The following CCSER1 variants were observed in gnomAD, a reference collection of about 807,000 sequenced individuals.
CCSER1 encodes coiled-coil serine rich protein 1.
CCSER1 carries 41 observed loss-of-function variants against 82.0 expected under a neutral mutation model. The ratio of observed to expected loss-of-function variants is 0.50; its 90% CI spans 0.39 to 0.65. The LOEUF (loss-of-function observed/expected upper bound fraction) is 0.65. CCSER1 is among the 30% of genes least tolerant of loss of function. The pLI is 0.00. For missense variants in CCSER1, 1,119 were observed against 1,064.2 expected, an observed-to-expected ratio of 1.05 and a Z score of -0.72; for synonymous variants, 414 against 383.9, an observed-to-expected ratio of 1.08 and a Z score of -0.92.
At chr4:91,265,064 A>C (rs1299118765) in intron 10 of CCSER1, among the ~76,000 whole-genome samples, 1 of 152,060 alleles carries the variant, frequency 6.6e-6, no homozygotes, top group African/African-American at 2.4e-5. Context: ...AGAAAGAAAT[A>C]TCTGAAGTAA....
At chr4:91,026,997 T>C (rs1740543188) in intron 9 of CCSER1, among the ~76,000 whole-genome samples, 1 of 151,992 alleles carries the variant, frequency 6.6e-6, no homozygotes, top group Non-Finnish European at 1.5e-5. Flanking sequence ...AAAACAAAAA[T>C]TTTTAAACAG....
intron 9 of CCSER1, among the ~76,000 whole-genome samples, chr4:91,020,824 CTCTGTTTTG>C (rs1739890290): frequency 6.6e-6 from 1 of 152,056 alleles, no homozygotes; most frequent in Non-Finnish European, 1.5e-5. Context: ...CTTCTGTTTT[CTCTGTTTTG>C]TCTTGTTTTT....
intron 7 of CCSER1, among the ~76,000 whole-genome samples, chr4:90,779,030 G>A (rs932653048): frequency 1.3e-5 from 2 of 151,762 alleles, no homozygotes; most frequent in African/African-American, 4.8e-5. Flanking sequence ...TTAACTACTC[G>A]TCTTATTTCC....
rs184352823 is a variant in CCSER1 at position 90,827,197 on chromosome 4, A to T, written c.2094+11352A>T. On this transcript the variant is annotated intron_variant, in intron 8 of 10. Coordinates refer to ENST00000509176, the MANE Select transcript of CCSER1 (RefSeq NM_001145065.2). ...TAGGCAGAGAAAATCTCAGAACCAGAGTGCTGCCTTCCTTTTATGGTTTCT... is the reference window on the plus strand; with the variant it reads ...TAGGCAGAGAAAATCTCAGAACCAGTGTGCTGCCTTCCTTTTATGGTTTCT... Among the ~76,000 whole-genome samples the T allele has an allele frequency of 3.5e-4, 53 of 152,322 alleles. No homozygotes were observed. The East Asian group carries it at 9.5e-3, about 27-fold the overall frequency.
intron 8 of CCSER1, among the ~76,000 whole-genome samples, chr4:90,816,628 T>C (rs1438793641): frequency 1.3e-5 from 2 of 152,212 alleles, no homozygotes; most frequent in East Asian, 3.9e-4. Flanking sequence ...CATTCATTTT[T>C]ACACTAATAA....
At chr4:90,864,784 C>T (rs556348512) in intron 8 of CCSER1, among the ~76,000 whole-genome samples, 2 of 152,040 alleles carry the variant, frequency 1.3e-5, no homozygotes, top group Non-Finnish European at 2.9e-5. Flanking sequence ...ATCTCTGGTC[C>T]AATAAATATT....
intron 1 of CCSER1, among the ~76,000 whole-genome samples, chr4:90,215,870 A>G (rs1325985465): frequency 6.6e-6 from 1 of 152,116 alleles, no homozygotes; most frequent in Non-Finnish European, 1.5e-5. Flanking sequence ...GAAGCAGGAG[A>G]GAAGGGCAGG....
chr4:91,326,879 A>G (rs1746602895), intron 10 of CCSER1, among the ~76,000 whole-genome samples: 1 of 152,154 alleles, frequency 6.6e-6, no homozygotes, highest in Admixed American at 6.6e-5. Context: ...TTAAATCTTA[A>G]AGCTTCAAAC....
chr4:90,143,311 C>T (rs11947970), intron 1 of CCSER1, among the ~76,000 whole-genome samples: 42,871 of 151,954 alleles, frequency 0.28, 7,650 homozygotes, highest in East Asian at 0.65. Context: ...CTATTTTAAA[C>T]TCTCACTACC....
intron 8 of CCSER1, among the ~76,000 whole-genome samples, chr4:90,892,387 C>A (rs909400180): frequency 6.6e-6 from 1 of 151,868 alleles, no homozygotes. Context: ...TGTAAACCAT[C>A]CAAAGAAGGA....
At chr4:90,834,594 A>G (rs977749196) in intron 8 of CCSER1, among the ~76,000 whole-genome samples, 7 of 152,196 alleles carry the variant, frequency 4.6e-5, no homozygotes, top group African/African-American at 1.7e-4. Context: ...GCTGTATTAA[A>G]TCTTATAGTA....
At chr4:91,326,203 T>C (rs1746547618) in intron 10 of CCSER1, among the ~76,000 whole-genome samples, 1 of 152,216 alleles carries the variant, frequency 6.6e-6, no homozygotes, top group African/African-American at 2.4e-5. Flanking sequence ...CTCACATTGC[T>C]ATAAAGAACT....
intron 10 of CCSER1, among the ~76,000 whole-genome samples, chr4:91,566,822 A>G (rs184936875): frequency 9.1e-4 from 138 of 152,014 alleles, no homozygotes; most frequent in Middle Eastern, 3.4e-3. Context: ...TATTTTATTA[A>G]CTTTTCAAAA....
At chr4:91,183,315 G>C (rs1481362471) in intron 10 of CCSER1, among the ~76,000 whole-genome samples, 1 of 152,186 alleles carries the variant, frequency 6.6e-6, no homozygotes, top group Non-Finnish European at 1.5e-5. Flanking sequence ...CTGAAGGATA[G>C]GACGTCTGGA....
chr4:90,512,057 A>C (rs1470846668), intron 5 of CCSER1, among the ~76,000 whole-genome samples: 1 of 152,180 alleles, frequency 6.6e-6, no homozygotes, highest in Non-Finnish European at 1.5e-5. Flanking sequence ...GTCCAGGACA[A>C]GGTCGGCAAA....
chr4:90,729,547 G>A (rs949034993), intron 7 of CCSER1, among the ~76,000 whole-genome samples: 17 of 152,042 alleles, frequency 1.1e-4, no homozygotes, highest in African/African-American at 3.6e-4. Context: ...ACACTACTTG[G>A]AAAAAATACA....
chr4:91,483,058 C>T (rs528992504), intron 10 of CCSER1, among the ~76,000 whole-genome samples: 3 of 150,140 alleles, frequency 2.0e-5, no homozygotes, highest in South Asian at 2.1e-4. Context: ...CAAACCTGCA[C>T]GTTGTGCATA....
chr4:90,853,108 A>G (rs551532768), intron 8 of CCSER1, among the ~76,000 whole-genome samples: 1 of 152,130 alleles, frequency 6.6e-6, no homozygotes, highest in African/African-American at 2.4e-5. Flanking sequence ...ACAAAAAAAA[A>G]CAAAAACAAA....
chr4:91,401,763 TG>T (rs1752350777), intron 10 of CCSER1, among the ~76,000 whole-genome samples: 4 of 152,208 alleles, frequency 2.6e-5, no homozygotes, highest in African/African-American at 9.6e-5. Flanking sequence ...TATTCCATGG[TG>T]TATATGTGCC....
Sources: gnomAD v4.1 joint callset for allele counts (sites outside exome capture counted in the v4.1 genomes callset) on GRCh38, gnomAD v4.1.1 for gene constraint, MANE v1.5 for transcripts, NCBI Gene and HGNC (gene_info 2026-07-23, HGNC 2026-07-21) for gene names.